Variants in TUT7 observed in about 807,000 individuals in gnomAD.
TUT7 encodes terminal uridylyltransferase 7.
TUT7 carries 33 observed loss-of-function variants against 165.9 expected under a neutral mutation model. That is an observed-to-expected ratio of 0.20 (90% CI 0.15 to 0.27). The LOEUF (loss-of-function observed/expected upper bound fraction) is 0.27, where lower values mean the gene tolerates loss of function less well. Ranked by LOEUF, TUT7 falls within the 10% of genes least tolerant of loss-of-function variation. The pLI, the probability that TUT7 is intolerant of heterozygous loss-of-function variation, is 1.00. For synonymous variants in TUT7, 552 were observed against 608.1 expected (o/e 0.91, Z 1.36); for missense variants, 1,338 against 1,762.3 (o/e 0.76, Z 4.31).
At chr9:86,324,161 A>G (rs1344824214) in intron 12 of TUT7, among the ~76,000 whole-genome samples, 2 of 152,208 alleles carry the variant, frequency 1.3e-5, no homozygotes, top group African/African-American at 4.8e-5. Flanking sequence ...ATTTTCTGAA[A>G]CATCGGCTCT....
At chr9:86,342,510 C>G (rs1048614108) in intron 6 of TUT7, among the ~76,000 whole-genome samples, 4 of 152,058 alleles carry the variant, frequency 2.6e-5, no homozygotes, top group Admixed American at 6.6e-5. Flanking sequence ...CTTCTGGGCT[C>G]GTGATCCTCC....
At chr9:86,308,404 A>T (rs747631537) in intron 22 of TUT7, 25 bp downstream of exon 22, 66 of 1,597,574 alleles carry the variant, frequency 4.1e-5, no homozygotes, top group Non-Finnish European at 5.4e-5. Context: ...AGTCTATTCG[A>T]CTTCAAGTTT....
intron 10 of TUT7, among the ~76,000 whole-genome samples, chr9:86,333,148 G>A (rs1449456978): frequency 1.3e-5 from 2 of 152,112 alleles, no homozygotes; most frequent in African/African-American, 2.4e-5. Flanking sequence ...TTAGCAGCAG[G>A]TAATTAACTT....
At chr9:86,344,157 T>C (rs1169587531) in intron 5 of TUT7, among the ~76,000 whole-genome samples, 4 of 152,234 alleles carry the variant, frequency 2.6e-5, no homozygotes, top group South Asian at 2.1e-4. Flanking sequence ...ATATAAATAA[T>C]GATTCCAACC....
chr9:86,332,054 C>A (rs1564079016), intron 10 of TUT7, among the ~76,000 whole-genome samples: 2 of 152,088 alleles, frequency 1.3e-5, no homozygotes, highest in Non-Finnish European at 2.9e-5. Context: ...CAATGAGATA[C>A]CATCTTACAC....
At chr9:86,306,834 T>C (rs1827545740) in intron 22 of TUT7, among the ~76,000 whole-genome samples, 1 of 152,172 alleles carries the variant, frequency 6.6e-6, no homozygotes. Flanking sequence ...CTATCACCAC[T>C]GAAATGCCTC....
At position 86,353,164 on chromosome 9, in the gene TUT7, G is replaced by A; in HGVS notation, c.36C>T (p.Arg12=). ...GDTAKPYFVK[R]TKDRGTMDDD... The stretch of plus-strand genomic sequence containing the variant: ...CATCCATAGTCCCCCGGTCTTTAGT[G>A]CGCTTCACGAAATAAGGTTTTGCTG... Residue 12 remains arginine, a synonymous_variant, in exon 2 of 27, where the codon CGC becomes CGT. Transcript: ENST00000375963. 1 of 1,594,106 alleles carries A rather than the reference G, an allele frequency of 6.3e-7. No homozygotes were observed. Among genetic ancestry groups the A allele is most frequent in the Non-Finnish European group, 8.5e-7 (1 of 1,173,594 alleles).
chr9:86,350,142 C>T (rs182379693), intron 2 of TUT7, among the ~76,000 whole-genome samples: 64 of 152,198 alleles, frequency 4.2e-4, no homozygotes, highest in Non-Finnish European at 6.9e-4. Flanking sequence ...CTACCCCTGG[C>T]CAACATGCTA....
rs750311049 is a variant in TUT7, at chr9:86,301,460, C to T, written c.4236G>A (p.Gln1412=). Residue 1412 remains glutamine (Q), a synonymous_variant, in exon 26 of 27, where the codon CAG becomes CAA. Coordinates refer to ENST00000375963, the MANE Select transcript of TUT7 (RefSeq NM_024617.4). ...TTGGCTTGGCTTTCTGAGGTGTGCA[C>T]TGTATGGGCTTATCTTCTTTTGTTG... is the stretch of plus-strand genomic sequence containing the variant. ...EVSTKEDKPI[Q]CTPQKAKPMR... is the part of the protein sequence containing the mutation. The T allele has an allele frequency of 3.1e-6, 5 of 1,614,148 alleles. No homozygotes were observed. The highest frequency in any genetic ancestry group is 4.2e-6 in the Non-Finnish European group (5 of 1,180,028).
intron 2 of TUT7, among the ~76,000 whole-genome samples, chr9:86,351,264 T>C (rs1832279922): frequency 6.6e-6 from 1 of 152,038 alleles, no homozygotes; most frequent in Non-Finnish European, 1.5e-5. Flanking sequence ...GGTGAAACCC[T>C]GTCTCTATTA....
At chr9:86,352,645 C>T (rs1564106825) in intron 2 of TUT7, 35 bp downstream of exon 2, 16 of 1,612,094 alleles carry the variant, frequency 9.9e-6, no homozygotes, top group Non-Finnish European at 1.4e-5. Flanking sequence ...ATTGCTGACT[C>T]TGGGGTTGTG....
chr9:86,310,315 T>C (rs1456303881), intron 18 of TUT7, among the ~76,000 whole-genome samples: 2 of 152,114 alleles, frequency 1.3e-5, no homozygotes, highest in African/African-American at 4.8e-5. Flanking sequence ...CTTTTTTTTT[T>C]CCCTAAAGAC....
At chr9:86,309,889 T>A (rs1439760315) in intron 19 of TUT7, 39 bp downstream of exon 19, 4 of 1,555,972 alleles carry the variant, frequency 2.6e-6, no homozygotes, top group Non-Finnish European at 3.5e-6. Flanking sequence ...AAAGATGCAA[T>A]GAAATTTCCT....
At chr9:86,336,461 T>G (rs1317818308) in intron 10 of TUT7, among the ~76,000 whole-genome samples, 1 of 152,194 alleles carries the variant, frequency 6.6e-6, no homozygotes. Flanking sequence ...CAGGATAGTT[T>G]TCTAAGTGAG....
At chr9:86,334,182 G>A (rs1050126789) in intron 10 of TUT7, among the ~76,000 whole-genome samples, 1 of 152,104 alleles carries the variant, frequency 6.6e-6, no homozygotes, top group African/African-American at 2.4e-5. Context: ...AACCCAAGGT[G>A]GTTAGGCTTC....
intron 17 of TUT7, among the ~76,000 whole-genome samples, chr9:86,314,936 C>T (rs1246776620): frequency 1.3e-5 from 2 of 152,192 alleles, no homozygotes; most frequent in Non-Finnish European, 2.9e-5. Flanking sequence ...AAATCGTGTT[C>T]ACCATCATCT....
At chr9:86,343,217 G>A (rs556816519) in intron 5 of TUT7, 54 bp from the exon 6 acceptor site, 43 of 1,159,168 alleles carry the variant, frequency 3.7e-5, no homozygotes, top group Non-Finnish European at 2.8e-5. Context: ...TTTCTCAAAA[G>A]TTATAACAAA....
intron 5 of TUT7, 72 bp downstream of exon 5, chr9:86,344,905 A>C (rs1384353428): frequency 6.0e-6 from 8 of 1,330,848 alleles, no homozygotes; most frequent in Non-Finnish European, 7.1e-6. Context: ...ATTTGATGAA[A>C]ATTACTATTG....
chr9:86,295,370 C>T (rs1204670133), intron 26 of TUT7, among the ~76,000 whole-genome samples: 2 of 151,944 alleles, frequency 1.3e-5, no homozygotes, highest in Non-Finnish European at 2.9e-5. Context: ...AAATTACATG[C>T]TTTGCAACTA....
Sources: allele counts gnomAD v4.1 joint callset (sites outside exome capture counted in the v4.1 genomes callset), GRCh38; gene constraint gnomAD v4.1.1; transcripts MANE v1.5; gene names NCBI Gene and HGNC (gene_info 2026-07-23, HGNC 2026-07-21).